Variants in AKAIN1 observed in about 807,000 individuals in gnomAD.
AKAIN1 encodes A-kinase anchor protein inhibitor 1.
AKAIN1 carries 3 observed loss-of-function variants against 3.7 expected under a neutral mutation model. That is an observed-to-expected ratio of 0.82 (90% CI 0.37 to 2.12). The LOEUF (loss-of-function observed/expected upper bound fraction) is 2.12, where lower values mean the gene tolerates loss of function less well. Among genes scored for constraint, AKAIN1 ranks in the 30% most tolerant of loss-of-function variants. The pLI is 0.06. For synonymous variants in AKAIN1, 31 were observed against 30.8 expected (o/e 1.01, Z -0.02); for missense variants, 82 against 82.7 (o/e 0.99, Z 0.03).
chr18:5,183,754 T>C (rs892372438), intron 1 of AKAIN1, among the ~76,000 whole-genome samples: 1 of 152,114 alleles, frequency 6.6e-6, no homozygotes, highest in Admixed American at 6.6e-5. Context: ...TCAGGATTAG[T>C]TTCCCATGAG....
At chr18:5,176,293 G>T (rs117872027) in intron 1 of AKAIN1, among the ~76,000 whole-genome samples, 1 of 152,032 alleles carries the variant, frequency 6.6e-6, no homozygotes, top group Non-Finnish European at 1.5e-5. Flanking sequence ...GTAAAAACTA[G>T]CTGGGTGGTA....
chr18:5,145,026 C>T lies in AKAIN1; in HGVS notation c.*536G>A, dbSNP rs902810882. 6.6e-6 allele frequency among the ~76,000 whole-genome samples: 1 copy of T among 152,164 alleles called. No homozygotes were observed. ...ATATTAGTAAATGCCTTGGTATGGTCCCGAGGGACTCAGCCTTAGAATTTC... is the reference window on the plus strand; with the variant it reads ...ATATTAGTAAATGCCTTGGTATGGTTCCGAGGGACTCAGCCTTAGAATTTC... On this transcript the variant is annotated 3_prime_UTR_variant, in exon 2 of 2. Coordinates refer to ENST00000434239, the MANE Select transcript of AKAIN1 (RefSeq NM_001145194.2).
At chr18:5,193,185 T>C (rs2071331379) in intron 1 of AKAIN1, among the ~76,000 whole-genome samples, 1 of 152,202 alleles carries the variant, frequency 6.6e-6, no homozygotes, top group African/African-American at 2.4e-5. Flanking sequence ...TGCGAAATAT[T>C]TTTCAGATGA....
intron 1 of AKAIN1, among the ~76,000 whole-genome samples, chr18:5,194,966 C>G (rs765547135): frequency 1.3e-5 from 2 of 152,100 alleles, no homozygotes; most frequent in Admixed American, 6.5e-5. Context: ...GAAAATCTGG[C>G]GGAGTTCAAA....
At chr18:5,149,220 C>A (rs1317758078) in intron 1 of AKAIN1, among the ~76,000 whole-genome samples, 1 of 152,148 alleles carries the variant, frequency 6.6e-6, no homozygotes, top group African/African-American at 2.4e-5. Context: ...AGCAGCGAAG[C>A]CTGGAGCAGA....
intron 1 of AKAIN1, chr18:5,163,911 C>T (rs557937359): frequency 4.6e-5 from 7 of 152,160 alleles, no homozygotes; most frequent in Non-Finnish European, 5.9e-5. Flanking sequence ...TTGAATCCAT[C>T]TGGTATACTT....
chr18:5,168,664 C>T (rs972963012), intron 1 of AKAIN1, among the ~76,000 whole-genome samples: 1 of 152,026 alleles, frequency 6.6e-6, no homozygotes, highest in African/African-American at 2.4e-5. Flanking sequence ...TCTTGACTCA[C>T]AAATGTTAAC....
chr18:5,188,016 G>A (rs549508670), intron 1 of AKAIN1, among the ~76,000 whole-genome samples: 2 of 152,016 alleles, frequency 1.3e-5, no homozygotes, highest in East Asian at 1.9e-4. Flanking sequence ...GGAGAAATAG[G>A]CCAGAAAAAA....
intron 1 of AKAIN1, among the ~76,000 whole-genome samples, chr18:5,157,679 T>A (rs574102820): frequency 2.8e-4 from 43 of 152,266 alleles, no homozygotes; most frequent in Middle Eastern, 6.8e-3. Flanking sequence ...TCTTAAAAAA[T>A]TTTGACTTAG....
intron 1 of AKAIN1, among the ~76,000 whole-genome samples, chr18:5,175,801 C>T (rs958276122): frequency 1.3e-5 from 2 of 151,918 alleles, no homozygotes; most frequent in East Asian, 1.9e-4. Context: ...ATGCTCATAA[C>T]TTTAAATTAT....
chr18:5,179,173 G>T (rs1417451535), intron 1 of AKAIN1, among the ~76,000 whole-genome samples: 1 of 152,134 alleles, frequency 6.6e-6, no homozygotes, highest in Non-Finnish European at 1.5e-5. Flanking sequence ...TACCCATTAA[G>T]TAATTTCTTA....
intron 1 of AKAIN1, among the ~76,000 whole-genome samples, chr18:5,168,076 G>A (rs879685220): frequency 6.6e-6 from 1 of 151,964 alleles, no homozygotes; most frequent in Non-Finnish European, 1.5e-5. Context: ...AACTTCCTTT[G>A]CACTCTGGCT....
At chr18:5,172,449 T>G (rs150148400) in intron 1 of AKAIN1, among the ~76,000 whole-genome samples, 382 of 152,128 alleles carry the variant, frequency 2.5e-3, no homozygotes, top group African/African-American at 8.8e-3. Context: ...CGCACAAAAA[T>G]TAAAAATTTA....
chr18:5,177,381 A>T (rs914909755), intron 1 of AKAIN1, among the ~76,000 whole-genome samples: 8 of 152,058 alleles, frequency 5.3e-5, no homozygotes, highest in Non-Finnish European at 8.8e-5. Context: ...TTGTATTAAA[A>T]CCAAGTTTCT....
At chr18:5,192,534 G>A (rs1311917988) in intron 1 of AKAIN1, among the ~76,000 whole-genome samples, 1 of 151,542 alleles carries the variant, frequency 6.6e-6, no homozygotes, top group Non-Finnish European at 1.5e-5. Context: ...CCAAAGTATT[G>A]GGGTTACAGA....
chr18:5,197,354 G>T, upstream of AKAIN1: 1 of 1,259,276 alleles, frequency 7.9e-7, no homozygotes, highest in Non-Finnish European at 1.0e-6. The surrounding 1 kb of genome is among the most constrained non-coding windows in gnomAD (Gnocchi z 6.9). Flanking sequence ...TGCTTAGGGA[G>T]CAAAGCACTT....
chr18:5,145,419 C>T lies in AKAIN1; in HGVS notation c.*143G>A. 1.6e-6 allele frequency: 1 copy of T among 635,538 alleles called. No individual in the cohort carries two copies. The highest frequency in any genetic ancestry group is 2.7e-6 in the Non-Finnish European group (1 of 367,744). 39.4% of individuals were successfully genotyped at this position (635,538 alleles called of 1,614,324 possible). A position where few individuals can be genotyped will look rare whatever the true frequency, so the allele number is the denominator to read the frequency against. ...TGCACTTTTTCAAAACAGTGCTTCT[C>T]AGCCAGGGGCTAGTGTGAATTCATT... On this transcript the variant is annotated 3_prime_UTR_variant, in exon 2 of 2. Coordinates refer to ENST00000434239, the MANE Select transcript of AKAIN1 (RefSeq NM_001145194.2).
At position 5,142,914 on chromosome 18, in the gene AKAIN1, A is replaced by G. The variant is rs888030384; in HGVS notation, c.*2648T>C. Reference sequence around the variant, plus strand: ...GGGAACGAGTTAGTCATTTTGCATCAATTTACAATACTGTTTGCACTGAAC... The same window carrying G: ...GGGAACGAGTTAGTCATTTTGCATCGATTTACAATACTGTTTGCACTGAAC... On this transcript the variant is annotated 3_prime_UTR_variant, in exon 2 of 2. Transcript: ENST00000434239. 6.6e-6 allele frequency among the ~76,000 whole-genome samples: 1 copy of G among 152,234 alleles called. No individual in the cohort carries two copies. The highest frequency in any genetic ancestry group is 2.4e-5 in the African/African-American group (1 of 41,462).
intron 1 of AKAIN1, among the ~76,000 whole-genome samples, chr18:5,149,776 T>A (rs547476098): frequency 6.6e-6 from 1 of 152,360 alleles, no homozygotes; most frequent in South Asian, 2.1e-4. Context: ...GAGAGCCTAA[T>A]AGACTCACCA....
Sources: gnomAD v4.1 joint callset for allele counts (sites outside exome capture counted in the v4.1 genomes callset) on GRCh38, gnomAD v4.1.1 for gene constraint, Gnocchi (gnomAD v3.1) non-coding constraint, MANE v1.5 for transcripts, NCBI Gene and HGNC (gene_info 2026-07-23, HGNC 2026-07-21) for gene names.